CSNK1G3: variants seen among roughly 807,000 people sequenced by gnomAD.
The protein encoded by CSNK1G3 is casein kinase I isoform gamma-3.
A neutral mutation model predicts 64.3 loss-of-function variants in CSNK1G3; 23 were observed. That is an observed-to-expected ratio of 0.36 (90% CI 0.26 to 0.51). The LOEUF is 0.51. CSNK1G3 is among the 20% of genes least tolerant of loss of function. The pLI is 0.96. For missense variants in CSNK1G3, 357 were observed against 510.5 expected (o/e 0.70, Z 2.90); for synonymous variants, 158 against 162.2 (o/e 0.97, Z 0.20).
rs140354089 is a variant in CSNK1G3 at position 123,583,887 on chromosome 5, T to C, written c.674-4181T>C. On this transcript the variant is annotated intron_variant, in intron 6 of 12. Transcript: ENST00000345990. ...AATTTTTTTTTGTAAAGTTAGGGTTTCTCTATGTTGCCCAAGCTAGTCTTG... is the reference window on the plus strand; with the variant it reads ...AATTTTTTTTTGTAAAGTTAGGGTTCCTCTATGTTGCCCAAGCTAGTCTTG... Among the ~76,000 whole-genome samples the C allele has an allele frequency of 5.6e-4, 85 of 152,146 alleles. 1 individual carries two copies. The East Asian group carries it at 0.013, about 23-fold the overall frequency.
At chr5:123,605,442 A>T in intron 12 of CSNK1G3, 80 bp downstream of exon 13, 2 of 1,420,018 alleles carry the variant, frequency 1.4e-6, no homozygotes, top group African/African-American at 1.4e-5. Context: ...GTGTCTTTTG[A>T]AAACAAAACT....
intron 1 of CSNK1G3, among the ~76,000 whole-genome samples, chr5:123,535,566 G>T (rs1411568377): frequency 3.3e-5 from 5 of 151,828 alleles, no homozygotes; most frequent in African/African-American, 1.2e-4. Flanking sequence ...TTTTTGAAAA[G>T]TAAAAAAATA....
intron 1 of CSNK1G3, among the ~76,000 whole-genome samples, chr5:123,535,039 A>C (rs567665863): frequency 6.6e-6 from 1 of 152,172 alleles, no homozygotes; most frequent in African/African-American, 2.4e-5. Context: ...GACATGATCC[A>C]TATGCATTGG....
chr5:123,584,560 A>G lies in CSNK1G3; in HGVS notation c.674-3508A>G, dbSNP rs559227657. 1.4e-4 allele frequency among the ~76,000 whole-genome samples: 22 copies of G among 152,250 alleles called. No homozygotes were observed. The South Asian group carries it at 3.3e-3, about 23-fold the overall frequency. ...GATTTCATGTTTGTGTTTATGAGGA[A>G]TATTTCTTATAGTTTCCTTTAATTG... On this transcript the variant is annotated intron_variant, in intron 6 of 12. Transcript: ENST00000345990.
intron 1 of CSNK1G3, among the ~76,000 whole-genome samples, chr5:123,514,021 ATTACC>A (rs1296376327): frequency 6.6e-5 from 10 of 152,232 alleles, no homozygotes; most frequent in Admixed American, 6.5e-4. Flanking sequence ...AAAGATAAAA[ATTACC>A]TTTATGGACA....
chr5:123,512,473 T>C (rs999712805), exon 1 of CSNK1G3: 1 of 143,460 alleles, frequency 7.0e-6, no homozygotes, highest in Non-Finnish European at 1.5e-5. Flanking sequence ...CGCCGGCGGG[T>C]GTGATGTGCC....
rs760948727 is a variant in CSNK1G3, at chr5:123,545,618, G to T, written c.-46G>T. ...TTTTCACAATACCCTGTTTCAGTGT[G>T]CTTGTCTTGATTAAAGAATTCAAAG... is the stretch of plus-strand genomic sequence containing the variant. On this transcript the variant is annotated 5_prime_UTR_variant, in exon 2 of 13. Transcript: ENST00000345990. The T allele has an allele frequency of 2.6e-6, 4 of 1,529,416 alleles. No homozygotes were observed. In the African/African-American group the frequency reaches 5.5e-5, roughly 21 times the overall value. 94.7% of individuals were successfully genotyped at this position (1,529,416 alleles called of 1,614,324 possible).
chr5:123,551,948 G>A (rs1380777982), intron 2 of CSNK1G3, among the ~76,000 whole-genome samples: 1 of 151,890 alleles, frequency 6.6e-6, no homozygotes, highest in Non-Finnish European at 1.5e-5. Flanking sequence ...CATATACTTA[G>A]TGCTTCCAAA....
At chr5:123,594,196 C>T (rs1792978469) in intron 10 of CSNK1G3, among the ~76,000 whole-genome samples, 1 of 152,118 alleles carries the variant, frequency 6.6e-6, no homozygotes, top group African/African-American at 2.4e-5. Context: ...ATAGTATATT[C>T]TTCTCCCTAC....
intron 6 of CSNK1G3, among the ~76,000 whole-genome samples, chr5:123,579,814 C>T (rs1157004945): frequency 2.0e-5 from 3 of 151,920 alleles, no homozygotes; most frequent in African/African-American, 7.2e-5. Context: ...ACAACGAATG[C>T]TTAATGTTTA....
At chr5:123,598,416 G>A (rs183559170) in intron 10 of CSNK1G3, among the ~76,000 whole-genome samples, 26 of 152,228 alleles carry the variant, frequency 1.7e-4, no homozygotes, top group African/African-American at 6.0e-4. Context: ...GAACAGGCAG[G>A]GTGATAAGTG....
chr5:123,588,624 A>G (rs1581311147), intron 8 of CSNK1G3, 113 bp downstream of exon 8: 6 of 731,072 alleles, frequency 8.2e-6, no homozygotes, highest in Non-Finnish European at 1.4e-5. Context: ...AGAGCTAAAA[A>G]TATGATTTAA....
intron 4 of CSNK1G3, among the ~76,000 whole-genome samples, chr5:123,568,163 T>TGCCAGCTGCAGG (rs1379652073): frequency 9.9e-5 from 15 of 152,190 alleles, no homozygotes; most frequent in Non-Finnish European, 1.8e-4. Flanking sequence ...TGTTGATCAA[T>TGCCAGCTGCAGG]GCCAGCTGCA....
chr5:123,569,048 A>G lies in CSNK1G3; in HGVS notation c.290-4345A>G, dbSNP rs1787540000. Among the ~76,000 whole-genome samples the G allele has an allele frequency of 2.6e-5, 4 of 152,228 alleles. No homozygotes were observed. In the South Asian group the frequency reaches 8.3e-4, roughly 32 times the overall value. On this transcript the variant is annotated intron_variant, in intron 4 of 12. Coordinates refer to ENST00000345990, the Ensembl canonical transcript of CSNK1G3. ...GCAATTACATTTGCACCAAGCTAAT[A>G]ATTTGTTTAATTAGCTTAGAGTTGG...
At chr5:123,573,254 A>T in intron 4 of CSNK1G3, 139 bp from the exon 5 acceptor site, 2 of 855,606 alleles carry the variant, frequency 2.3e-6, no homozygotes, top group Admixed American at 4.8e-5. Context: ...AGGTTTGGTC[A>T]GGAAAAGTAT....
intron 6 of CSNK1G3, among the ~76,000 whole-genome samples, chr5:123,586,574 G>A (rs894268886): frequency 2.6e-5 from 4 of 152,040 alleles, no homozygotes; most frequent in Admixed American, 6.6e-5. Context: ...AAACCTCTCC[G>A]TTATATCACA....
At chr5:123,512,735 C>G (rs1246199438) in intron 1 of CSNK1G3, among the ~76,000 whole-genome samples, 165 bp downstream of exon 1, 47 of 148,772 alleles carry the variant, frequency 3.2e-4, no homozygotes, top group African/African-American at 1.1e-3. Context: ...GAGGGGTGGG[C>G]GAGGACCATG....
chr5:123,519,398 T>C (rs1777713766), intron 1 of CSNK1G3, among the ~76,000 whole-genome samples: 10 of 152,250 alleles, frequency 6.6e-5, no homozygotes, highest in Admixed American at 5.9e-4. Flanking sequence ...TATTTTTTCA[T>C]TGGCTAACTT....
chr5:123,616,743 T>G (rs1298117526), exon 13 of CSNK1G3: 1 of 151,728 alleles, frequency 6.6e-6, no homozygotes, highest in Non-Finnish European at 1.5e-5. Flanking sequence ...GAAAAAGAAA[T>G]AAAAAAAAAT....
Sources: allele counts gnomAD v4.1 joint callset (sites outside exome capture counted in the v4.1 genomes callset), GRCh38; gene constraint gnomAD v4.1.1; transcripts MANE v1.5; gene names NCBI Gene and HGNC (gene_info 2026-07-23, HGNC 2026-07-21).